The following ADRM1 variants were observed in gnomAD, a reference collection of about 807,000 sequenced individuals.
ADRM1 encodes proteasomal ubiquitin receptor ADRM1.
A neutral mutation model predicts 40.1 loss-of-function variants in ADRM1; 2 were observed. The ratio of observed to expected loss-of-function variants is 0.05; its 90% CI spans 0.02 to 0.16. The LOEUF is 0.16. Ranked by LOEUF, ADRM1 falls within the 10% of genes least tolerant of loss-of-function variation. ADRM1 has a pLI of 1.00. For missense variants in ADRM1, 467 were observed against 552.5 expected, an observed-to-expected ratio of 0.85 and a Z score of 1.55; for synonymous variants, 287 against 240.4, an observed-to-expected ratio of 1.19 and a Z score of -1.79.
rs370134759 is a variant in ADRM1 at position 62,307,746 on chromosome 20, G to T, written c.774G>T (p.Pro258=). ...SGNGASTAAS[P]TQPIQLSDLQ... ...ATGGAGCCAGCACAGCAGCCAGCCC[G>T]ACCCAGCCCATCCAGCTGAGCGACC... Residue 258 remains proline (P), a synonymous_variant, in exon 7 of 10, where the codon CCG becomes CCT. Coordinates refer to ENST00000253003, the MANE Select transcript of ADRM1 (RefSeq NM_007002.4). The T allele has an allele frequency of 1.4e-5, 23 of 1,611,836 alleles. No individual in the cohort carries two copies. In the Admixed American group the frequency reaches 1.5e-4, roughly 11 times the overall value.
Position 62,308,861 on chromosome 20 carries a change from A to G in ADRM1, c.*100A>G. The G allele has an allele frequency of 6.6e-7, 1 of 1,506,820 alleles. No individual in the cohort carries two copies. The highest frequency in any genetic ancestry group is 8.9e-7 in the Non-Finnish European group (1 of 1,127,808). 93.3% of individuals were successfully genotyped at this position (1,506,820 alleles called of 1,614,324 possible). ...AATAAAGTCTTTTCTTTTACCTGCCAATGCTTAGTTTCTTTGCCCAAAGGG... is the reference window on the plus strand; with the variant it reads ...AATAAAGTCTTTTCTTTTACCTGCCGATGCTTAGTTTCTTTGCCCAAAGGG... On this transcript the variant is annotated 3_prime_UTR_variant, in exon 10 of 10. Transcript: ENST00000253003.
chr20:62,306,419 A>G (rs1386023979), intron 4 of ADRM1, 99 bp downstream of exon 4: 1 of 1,588,456 alleles, frequency 6.3e-7, no homozygotes, highest in African/African-American at 1.3e-5. Context: ...TGGAAGTGGA[A>G]ATAGAAGATT....
In ADRM1 at chr20:62,304,120, T is replaced by G. The variant is rs1186719289; in HGVS notation, c.213+339T>G. ...CTGTGCCTGGCGGCTTCACTCAGTC[T>G]TCTTTGTTTTTCAAACTCTTAGTTG... On this transcript the variant is annotated intron_variant, in intron 2 of 9. Coordinates refer to ENST00000253003, the MANE Select transcript of ADRM1 (RefSeq NM_007002.4). 9.8e-5 allele frequency: 47 copies of G among 481,288 alleles called. No individual in the cohort carries two copies. The Admixed American group carries it at 1.3e-3, about 13-fold the overall frequency. 29.8% of individuals were successfully genotyped at this position (481,288 alleles called of 1,614,324 possible). A position where few individuals can be genotyped will look rare whatever the true frequency, so the allele number is the denominator to read the frequency against.
rs1256609444 is a variant in ADRM1, at chr20:62,308,752, C to T, written c.1215C>T (p.Ser405=). The part of the protein sequence containing the change: ...KDKKDEEEDM[S]LD ...AGAAGGACGAAGAGGAGGACATGAG[C>T]CTGGACTGAGCCACGCGCCGTCCTC... Residue 405 remains serine (S), a synonymous_variant, in exon 10 of 10, where the codon AGC becomes AGT. Coordinates refer to ENST00000253003, the MANE Select transcript of ADRM1 (RefSeq NM_007002.4). 1.2e-6 allele frequency: 2 copies of T among 1,612,906 alleles called. No individual in the cohort carries two copies. The highest frequency in any genetic ancestry group is 1.7e-5 in the Admixed American group (1 of 60,018).
intron 3 of ADRM1, 93 bp downstream of exon 3, chr20:62,304,670 C>T (rs764799409): frequency 6.1e-5 from 78 of 1,282,432 alleles, no homozygotes; most frequent in Non-Finnish European, 8.2e-5. Flanking sequence ...TTTTATAAAC[C>T]AGCAGGCGCC....
Position 62,303,772 on chromosome 20 carries a change from C to G in ADRM1, c.204C>G (p.Asn68Lys). Residue 68 changes from asparagine to lysine, a missense_variant, in exon 2 of 10, where the codon AAC (asparagine) becomes AAG (lysine). Around this residue, in one of 3 missense-constraint regions of ADRM1, gnomAD observed 418 missense variants for 474.6 expected, o/e 0.88. Coordinates refer to ENST00000253003, the MANE Select transcript of ADRM1 (RefSeq NM_007002.4). ...GCTGGAAGGACAGGACGTCCGGGAA[C>G]GTGGAAGACGTGAGTGTCCCTGAGC... Reference protein sequence around the residue: ...HFCWKDRTSGNVEDDLIIFPD... With the variant: ...HFCWKDRTSGKVEDDLIIFPD... The G allele has an allele frequency of 6.2e-7, 1 of 1,610,436 alleles. No individual in the cohort carries two copies. The highest frequency in any genetic ancestry group is 8.5e-7 in the Non-Finnish European group (1 of 1,179,742).
intron 2 of ADRM1, 110 bp downstream of exon 2, chr20:62,303,891 G>A: frequency 1.8e-6 from 2 of 1,096,314 alleles, no homozygotes; most frequent in South Asian, 2.9e-5. Flanking sequence ...CCGCTCGTGG[G>A]GCCGTCATCG....
intron 3 of ADRM1, among the ~76,000 whole-genome samples, chr20:62,305,082 A>AT (rs1377358536): frequency 6.6e-6 from 1 of 152,220 alleles, no homozygotes; most frequent in Admixed American, 6.5e-5. Context: ...GCCGCTGCTC[A>AT]TTCTGCCATC....
intron 4 of ADRM1, 157 bp from the exon 5 acceptor site, chr20:62,306,491 G>C: frequency 7.7e-7 from 1 of 1,300,816 alleles, no homozygotes; most frequent in Non-Finnish European, 1.1e-6. Context: ...TCACGGGGTA[G>C]GACGGGTCTG....
At chr20:62,306,796 C>T in intron 5 of ADRM1, 62 bp downstream of exon 5, 2 of 1,435,772 alleles carry the variant, frequency 1.4e-6, no homozygotes, top group Non-Finnish European at 1.9e-6. Flanking sequence ...GGCCCGGTCT[C>T]TGTTTCCTTT....
chr20:62,306,262 G>T lies in ADRM1; in HGVS notation c.396G>T (p.Pro132=), dbSNP rs149132578. 3.5e-5 allele frequency: 56 copies of T among 1,612,934 alleles called. No homozygotes were observed. Among genetic ancestry groups the T allele is most frequent in the Non-Finnish European group, 4.7e-5 (55 of 1,179,872 alleles). ...RKVNEYLNNP[P]MPGALGASGS... is the part of the protein sequence containing the mutation. ...TCAACGAGTATCTGAACAACCCCCC[G>T]ATGCCTGGGGCGCTGGGGGCCAGCG... Residue 132 remains proline (P), a synonymous_variant, in exon 4 of 10, where the codon CCG becomes CCT. Coordinates refer to ENST00000253003, the MANE Select transcript of ADRM1 (RefSeq NM_007002.4).
At chr20:62,306,759 G>A (rs777129559) in intron 5 of ADRM1, 25 bp downstream of exon 5, 11 of 1,576,518 alleles carry the variant, frequency 7.0e-6, no homozygotes, top group Admixed American at 5.4e-5. Context: ...CCGGGCTCTC[G>A]GGCAGCTTCT....
intron 6 of ADRM1, 41 bp downstream of exon 6, chr20:62,307,493 A>G: frequency 3.7e-6 from 6 of 1,603,100 alleles, no homozygotes; most frequent in Non-Finnish European, 4.2e-6. Flanking sequence ...CCACGGTGTT[A>G]AGGGAGGGGC....
chr20:62,306,112 C>A, intron 3 of ADRM1, 85 bp from the exon 4 acceptor site: 1 of 1,542,500 alleles, frequency 6.5e-7, no homozygotes, highest in Non-Finnish European at 8.8e-7. Flanking sequence ...AGGTCCCTCA[C>A]CTGGAAGCCA....
chr20:62,303,464 TCTGGGCG>T (rs950112600), intron 1 of ADRM1, 97 bp from the exon 2 acceptor site: 4 of 1,212,900 alleles, frequency 3.3e-6, no homozygotes, highest in Non-Finnish European at 4.6e-6. Context: ...CTTAGGCAGC[TCTGGGCG>T]CAGGCCCCCT....
At chr20:62,307,090 C>T (rs1014401295) in intron 5 of ADRM1, among the ~76,000 whole-genome samples, 2 of 152,220 alleles carry the variant, frequency 1.3e-5, no homozygotes, top group African/African-American at 4.8e-5. Context: ...GTGCTTGGCC[C>T]TTCAGAAATG....
At chr20:62,305,774 C>G (rs1384595475) in intron 3 of ADRM1, 1 of 204,254 alleles carries the variant, frequency 4.9e-6, no homozygotes, top group Admixed American at 5.2e-5. Context: ...TTGTGAGCGC[C>G]TGCCGTGGCC....
intron 5 of ADRM1, 85 bp downstream of exon 5, chr20:62,306,819 G>GA: frequency 3.1e-6 from 4 of 1,290,070 alleles, no homozygotes; most frequent in Non-Finnish European, 4.3e-6. Flanking sequence ...ACTTCTGCTG[G>GA]CTCTGTCTGC....
At chr20:62,308,218 G>C in intron 8 of ADRM1, 40 bp downstream of exon 8, 1 of 1,575,464 alleles carries the variant, frequency 6.3e-7, no homozygotes. Flanking sequence ...TGTGTGCTCA[G>C]GGAGTGGGCA....
Sources: allele counts gnomAD v4.1 joint callset (sites outside exome capture counted in the v4.1 genomes callset), GRCh38; gene constraint gnomAD v4.1.1; regional missense constraint gnomAD v4.1.1; transcripts MANE v1.5; gene names NCBI Gene and HGNC (gene_info 2026-07-23, HGNC 2026-07-21).